The following ABL1 variants were observed in gnomAD, a reference collection of about 807,000 sequenced individuals.
The protein encoded by ABL1 is tyrosine-protein kinase ABL1.
A neutral mutation model predicts 94.7 loss-of-function variants in ABL1; 11 were observed. The ratio of observed to expected loss-of-function variants is 0.12; its 90% confidence interval spans 0.07 to 0.19. The LOEUF (loss-of-function observed/expected upper bound fraction) is 0.19. Among genes scored for constraint, ABL1 ranks in the 10% least tolerant of loss-of-function variants. The probability of loss-of-function intolerance (pLI) is 1.00; values close to 1 mark genes in which losing one functional copy is unlikely to be tolerated. For synonymous variants in ABL1, 656 were observed against 622.4 expected (o/e 1.05, Z -0.80); for missense variants, 1,082 against 1,489.4 (o/e 0.73, Z 4.50).
chr9:130,713,931 A>AGC, exon 1 of ABL1: 1 of 235,670 alleles, frequency 4.2e-6, no homozygotes, highest in South Asian at 1.8e-4. Context: ...AAAGACCATC[A>AGC]GCGTTTCCTT....
At chr9:130,873,792 CA>C (rs999879519) in intron 6 of ABL1, among the ~76,000 whole-genome samples, 1 of 152,206 alleles carries the variant, frequency 6.6e-6, no homozygotes, top group African/African-American at 2.4e-5. Flanking sequence ...ATGTTCTCCA[CA>C]CCACCACTGT....
At position 130,819,532 on chromosome 9, in the gene ABL1, CTTT is replaced by C. The variant is rs34341889; in HGVS notation, c.137-34511_137-34509del. Among the ~76,000 whole-genome samples, 144 of 96,268 alleles carry C rather than the reference CTTT, an allele frequency of 1.5e-3. 1 individual carries two copies. The highest frequency in any genetic ancestry group is 5.3e-3 in the African/African-American group (112 of 20,958). 63.2% of individuals were successfully genotyped at this position (96,268 alleles called of 152,430 possible). ...GAGACCAGGAAGTGAAGAAAAATAC[CTTT>C]TTTTTTTTTTTTTTTTTTTTGGAGA... On this transcript the variant is annotated intron_variant, in intron 1 of 10. Transcript: ENST00000372348.
chr9:130,813,670 AT>A (rs1322570919), intron 1 of ABL1, among the ~76,000 whole-genome samples: 1 of 152,162 alleles, frequency 6.6e-6, no homozygotes, highest in Non-Finnish European at 1.5e-5. Context: ...TATTTGGAAA[AT>A]AACATAATTT....
chr9:130,845,546 C>G (rs1448416634), intron 1 of ABL1, among the ~76,000 whole-genome samples: 3 of 151,904 alleles, frequency 2.0e-5, no homozygotes, highest in Non-Finnish European at 1.5e-5. Flanking sequence ...TTAGTAGAGA[C>G]GACCTCCCAA....
At chr9:130,839,144 G>A (rs2132923586) in intron 1 of ABL1, among the ~76,000 whole-genome samples, 1 of 151,472 alleles carries the variant, frequency 6.6e-6, no homozygotes, top group South Asian at 2.1e-4. Flanking sequence ...CCAAGCCAGT[G>A]TTGAACTACT....
chr9:130,783,224 A>G (rs1829780659), intron 1 of ABL1, among the ~76,000 whole-genome samples: 2 of 152,084 alleles, frequency 1.3e-5, no homozygotes, highest in Non-Finnish European at 2.9e-5. Context: ...AAAAATAACC[A>G]CCCAGTGTTA....
chr9:130,829,552 G>GAGACT (rs1405449736), intron 1 of ABL1, among the ~76,000 whole-genome samples: 2 of 137,042 alleles, frequency 1.5e-5, no homozygotes, highest in Non-Finnish European at 3.1e-5. Context: ...GTGACAGAGC[G>GAGACT]AGACTACGTC....
rs1462634813 is a variant in ABL1 at position 130,885,316 on chromosome 9, G to A, written c.3026G>A (p.Arg1009Gln). 12 of 1,613,474 alleles carry A rather than the reference G, an allele frequency of 7.4e-6. No homozygotes were observed. The highest frequency in any genetic ancestry group is 2.2e-5 in the East Asian group (1 of 44,890). Residue 1009 changes from arginine (R) to glutamine (Q), a missense_variant, in exon 11 of 11, where the codon CGA (arginine) becomes CAA (glutamine). By Grantham distance (43) the Arg-to-Gln change is conservative. Around this residue, in one of 7 missense-constraint regions of ABL1, gnomAD observed 780 missense variants for 835.8 expected, o/e 0.93. Coordinates refer to ENST00000318560, the MANE Select transcript of ABL1 (RefSeq NM_005157.6). The part of the protein sequence containing the change: ...STAFIPLIST[R>Q]VSLRKTRQPP... Reference sequence around the variant, plus strand: ...GCCTTCATCCCTCTCATATCAACCCGAGTGTCTCTTCGGAAAACCCGCCAG... The same window carrying A: ...GCCTTCATCCCTCTCATATCAACCCAAGTGTCTCTTCGGAAAACCCGCCAG...
chr9:130,806,979 T>C (rs1028939085), intron 1 of ABL1, among the ~76,000 whole-genome samples: 1 of 151,932 alleles, frequency 6.6e-6, no homozygotes, highest in Non-Finnish European at 1.5e-5. Context: ...TGAAACCCCA[T>C]CTCTACTAAA....
At chr9:130,836,507 G>A (rs1428413434) in intron 1 of ABL1, among the ~76,000 whole-genome samples, 1 of 152,114 alleles carries the variant, frequency 6.6e-6, no homozygotes, top group Non-Finnish European at 1.5e-5. Flanking sequence ...GGACTTCTCT[G>A]TTGTTTTCAA....
At chr9:130,745,548 G>C (rs1166286017) in intron 1 of ABL1, among the ~76,000 whole-genome samples, 1 of 151,474 alleles carries the variant, frequency 6.6e-6, no homozygotes, top group African/African-American at 2.4e-5. Context: ...TCCTCTGCTT[G>C]CATATTCTGG....
At chr9:130,762,368 G>C (rs1181837327) in intron 1 of ABL1, among the ~76,000 whole-genome samples, 1 of 152,034 alleles carries the variant, frequency 6.6e-6, no homozygotes, top group Non-Finnish European at 1.5e-5. Flanking sequence ...TATAAAACAT[G>C]GTAATTTTTA....
At chr9:130,806,300 C>T (rs979239223) in intron 1 of ABL1, among the ~76,000 whole-genome samples, 2 of 152,214 alleles carry the variant, frequency 1.3e-5, no homozygotes, top group African/African-American at 4.8e-5. Flanking sequence ...AAGGAGCTCA[C>T]AGTCTGGCTC....
chr9:130,714,290 C>A, exon 1 of ABL1: 1 of 1,553,756 alleles, frequency 6.4e-7, no homozygotes, highest in Non-Finnish European at 8.7e-7. Context: ...CTTGAACCCT[C>A]TTCTGGAAAG....
chr9:130,783,934 G>A (rs1238368037), intron 1 of ABL1, among the ~76,000 whole-genome samples: 1 of 152,056 alleles, frequency 6.6e-6, no homozygotes, highest in South Asian at 2.1e-4. Context: ...GGGATTGCAG[G>A]GATTAGCCAC....
chr9:130,853,092 C>G (rs1830901249), intron 1 of ABL1, among the ~76,000 whole-genome samples: 1 of 151,468 alleles, frequency 6.6e-6, no homozygotes, highest in Non-Finnish European at 1.5e-5. Flanking sequence ...AAAAACAGCT[C>G]TGCCTCTGGG....
At chr9:130,776,747 G>C (rs1177600645) in intron 1 of ABL1, among the ~76,000 whole-genome samples, 1 of 151,836 alleles carries the variant, frequency 6.6e-6, no homozygotes, top group Non-Finnish European at 1.5e-5. Flanking sequence ...CTTAGAGGGG[G>C]CTCTTTATTC....
chr9:130,882,284 T>G (rs1405226895), intron 10 of ABL1, among the ~76,000 whole-genome samples: 1 of 152,222 alleles, frequency 6.6e-6, no homozygotes, highest in Admixed American at 6.5e-5. Flanking sequence ...GTCAATTAAC[T>G]GCTCAGTGCT....
chr9:130,858,321 C>T lies in ABL1; in HGVS notation c.549+3225C>T, dbSNP rs117279312. The stretch of plus-strand genomic sequence containing the variant: ...GAGGGAGAATCTGCCTAAGATGCCT[C>T]TGTCTAAAAGCTAGTATGTGCCAGG... On this transcript the variant is annotated intron_variant, in intron 3 of 10. Transcript: ENST00000318560. Among the ~76,000 whole-genome samples the T allele has an allele frequency of 9.3e-4, 142 of 152,212 alleles. No homozygotes were observed. The East Asian group carries it at 0.026, about 28-fold the overall frequency.
Sources: allele counts gnomAD v4.1 joint callset (sites outside exome capture counted in the v4.1 genomes callset), GRCh38; gene constraint gnomAD v4.1.1; regional missense constraint gnomAD v4.1.1; transcripts MANE v1.5; gene names NCBI Gene and HGNC (gene_info 2026-07-23, HGNC 2026-07-21).